The following SNX27 variants were observed in gnomAD, a reference collection of about 807,000 sequenced individuals.
The protein encoded by SNX27 is sorting nexin-27.
A neutral mutation model predicts 71.6 loss-of-function variants in SNX27; 22 were observed. The observed-to-expected ratio is 0.31, with a 90% CI of 0.22 to 0.44. SNX27 has a LOEUF of 0.44. Ranked by LOEUF, SNX27 falls within the 20% of genes least tolerant of loss-of-function variation. SNX27 has a pLI of 1.00. For synonymous variants in SNX27, 269 were observed against 277.2 expected (o/e 0.97, Z 0.29); for missense variants, 531 against 698.6 (o/e 0.76, Z 2.70).
chr1:151,635,927 G>T (rs1668439217), intron 1 of SNX27, among the ~76,000 whole-genome samples: 1 of 152,100 alleles, frequency 6.6e-6, no homozygotes, highest in Non-Finnish European at 1.5e-5. Context: ...GATTTTCAGG[G>T]TTTATTTTTG....
intron 2 of SNX27, among the ~76,000 whole-genome samples, chr1:151,655,812 A>G (rs1256651660): frequency 1.3e-5 from 2 of 152,212 alleles, no homozygotes; most frequent in African/African-American, 4.8e-5. Context: ...GGATGATTTG[A>G]TTAAAAGTTG....
intron 2 of SNX27, among the ~76,000 whole-genome samples, chr1:151,651,087 A>T (rs1669319185): frequency 6.6e-6 from 1 of 151,814 alleles, no homozygotes; most frequent in Non-Finnish European, 1.5e-5. Context: ...CGCCATTGTC[A>T]TCCTGGCCCG....
chr1:151,614,969 TA>T, intron 1 of SNX27, among the ~76,000 whole-genome samples: 1 of 152,188 alleles, frequency 6.6e-6, no homozygotes, highest in Non-Finnish European at 1.5e-5. Context: ...AGCCTAGGTA[TA>T]AACTGTAAAG....
At chr1:151,693,347 G>C (rs930452782) in intron 10 of SNX27, 77 bp from the exon 11 acceptor site, 21 of 1,379,160 alleles carry the variant, frequency 1.5e-5, no homozygotes, top group Non-Finnish European at 2.0e-5. Flanking sequence ...GGGATGACTG[G>C]GGACAGGAGT....
chr1:151,618,134 G>A (rs1430491016), intron 1 of SNX27, among the ~76,000 whole-genome samples: 1 of 151,082 alleles, frequency 6.6e-6, no homozygotes, highest in Non-Finnish European at 1.5e-5. Context: ...CTAAACCGCT[G>A]GCATTGCAGG....
intron 10 of SNX27, 185 bp from the exon 11 acceptor site, chr1:151,693,239 C>T (rs927293244): frequency 1.7e-5 from 15 of 909,022 alleles, no homozygotes; most frequent in East Asian, 2.6e-5. Flanking sequence ...CCACTTGGCT[C>T]GTAGTTACCA....
intron 2 of SNX27, among the ~76,000 whole-genome samples, chr1:151,655,806 G>A (rs561854464): frequency 6.6e-6 from 1 of 152,294 alleles, no homozygotes; most frequent in East Asian, 1.9e-4. Context: ...ATTTAGGGAT[G>A]ATTTGATTAA....
At position 151,696,669 on chromosome 1, in the gene SNX27, T is replaced by TTTTTTTA. The variant is rs908237839; in HGVS notation, c.*2252_*2253insTTTTTTA. 8.5e-6 allele frequency: 1 copy of TTTTTTTA among 117,392 alleles called. No individual in the cohort carries two copies. The allele number at this position is 117,392 out of a possible 1,614,324, so 7.3% of individuals were successfully genotyped here. The stretch of plus-strand genomic sequence containing the variant: ...TTTTTCTGTTTTTTTTTTTTTTTTT[T>TTTTTTTA]CCCAGAGTCTTGCTCTGTCGCCCAG... On this transcript the variant is annotated 3_prime_UTR_variant, in exon 12 of 12. Coordinates refer to ENST00000458013, the MANE Select transcript of SNX27 (RefSeq NM_001330723.2).
intron 1 of SNX27, among the ~76,000 whole-genome samples, chr1:151,620,100 G>A (rs1667603962): frequency 6.6e-6 from 1 of 152,170 alleles, no homozygotes; most frequent in Admixed American, 6.5e-5. Flanking sequence ...CCAAAGAGGG[G>A]AAAATGTGAA....
rs1671919783 is a variant in SNX27, at chr1:151,699,040, G to A, written c.*4623G>A. 6.6e-6 allele frequency: 1 copy of A among 152,610 alleles called. No individual in the cohort carries two copies. Among genetic ancestry groups the A allele is most frequent in the African/African-American group, 2.4e-5 (1 of 41,448 alleles). 9.5% of individuals were successfully genotyped at this position (152,610 alleles called of 1,614,324 possible). A position where few individuals can be genotyped will look rare whatever the true frequency, so the allele number is the denominator to read the frequency against. On this transcript the variant is annotated 3_prime_UTR_variant, in exon 12 of 12. Transcript: ENST00000458013. The stretch of plus-strand genomic sequence containing the variant: ...GTAATGTCACTTAGTGTAATTAATT[G>A]TAACATATTCTTTTAAATAAATTGA...
At chr1:151,619,224 C>T (rs1667563617) in intron 1 of SNX27, among the ~76,000 whole-genome samples, 1 of 152,044 alleles carries the variant, frequency 6.6e-6, no homozygotes, top group Non-Finnish European at 1.5e-5. Context: ...GCCTATAGTC[C>T]CAGCTACTCA....
intron 5 of SNX27, 63 bp from the exon 6 acceptor site, chr1:151,665,870 C>T: frequency 7.1e-7 from 1 of 1,401,266 alleles, no homozygotes; most frequent in African/African-American, 1.4e-5. Context: ...CATACACCTG[C>T]TTTTTCCTAC....
At chr1:151,613,637 A>C in intron 1 of SNX27, among the ~76,000 whole-genome samples, 1 of 143,316 alleles carries the variant, frequency 7.0e-6, no homozygotes, top group Non-Finnish European at 1.5e-5. Flanking sequence ...CTCCCCCTTC[A>C]TACGCCTCCC....
At chr1:151,658,547 TAAG>T in intron 3 of SNX27, 120 bp downstream of exon 3, 1 of 1,000,892 alleles carries the variant, frequency 1.0e-6, no homozygotes, top group Non-Finnish European at 1.4e-6. Flanking sequence ...GGTTTCTGAC[TAAG>T]TATTGAATGA....
intron 2 of SNX27, among the ~76,000 whole-genome samples, chr1:151,654,459 G>A (rs553242455): frequency 3.3e-5 from 5 of 151,926 alleles, no homozygotes; most frequent in Non-Finnish European, 4.4e-5. Flanking sequence ...AACAGTGGAG[G>A]AACCTGGGCC....
intron 2 of SNX27, among the ~76,000 whole-genome samples, chr1:151,639,659 C>T (rs993191348): frequency 5.3e-5 from 8 of 152,222 alleles, no homozygotes; most frequent in African/African-American, 1.9e-4. Flanking sequence ...CACGAGTTTC[C>T]TGAATGCAAT....
At chr1:151,667,853 A>T (rs1282410624) in intron 6 of SNX27, among the ~76,000 whole-genome samples, 2 of 137,494 alleles carry the variant, frequency 1.5e-5, no homozygotes, top group Non-Finnish European at 1.6e-5. Flanking sequence ...AAAAAAAAAG[A>T]TGTTTAGTGG....
intron 7 of SNX27, among the ~76,000 whole-genome samples, chr1:151,675,648 A>G (rs953507577): frequency 6.6e-6 from 1 of 151,586 alleles, no homozygotes; most frequent in Admixed American, 6.6e-5. Context: ...CTGCTTCTCA[A>G]GTAGAGTGCC....
chr1:151,668,730 G>A, intron 7 of SNX27, 95 bp downstream of exon 7: 8 of 1,094,150 alleles, frequency 7.3e-6, no homozygotes, highest in Non-Finnish European at 5.1e-6. Flanking sequence ...TAGACAGGCT[G>A]CTTTGCTCCT....
Sources: allele counts gnomAD v4.1 joint callset (sites outside exome capture counted in the v4.1 genomes callset), GRCh38; gene constraint gnomAD v4.1.1; transcripts MANE v1.5; gene names NCBI Gene and HGNC (gene_info 2026-07-23, HGNC 2026-07-21).